Variants in ADAM10 observed in about 807,000 individuals in gnomAD.
ADAM10 encodes the protein ADAM metallopeptidase domain 10.
ADAM10 carries 17 observed loss-of-function variants against 90.1 expected under a neutral mutation model. The observed-to-expected ratio is 0.19, with a 90% confidence interval of 0.13 to 0.28. ADAM10 has a LOEUF of 0.28. ADAM10 is among the 10% of genes least tolerant of loss of function. The probability of loss-of-function intolerance (pLI) is 1.00; values close to 1 mark genes in which losing one functional copy is unlikely to be tolerated. For synonymous variants in ADAM10, 310 were observed against 298.6 expected (o/e 1.04, Z -0.40); for missense variants, 610 against 914.3 (o/e 0.67, Z 4.29).
intron 9 of ADAM10, among the ~76,000 whole-genome samples, chr15:58,631,131 G>A (rs1484466869): frequency 6.6e-6 from 1 of 152,126 alleles, no homozygotes; most frequent in East Asian, 1.9e-4. Context: ...ATCATAAGTG[G>A]AAGCAGCCTG....
intron 1 of ADAM10, among the ~76,000 whole-genome samples, chr15:58,718,864 C>G (rs7179540): frequency 6.6e-6 from 1 of 151,910 alleles, no homozygotes; most frequent in African/African-American, 2.4e-5. Flanking sequence ...CCCTGACCCT[C>G]AGCTTCATCT....
chr15:58,701,301 A>C (rs1401945357), intron 2 of ADAM10, among the ~76,000 whole-genome samples: 1 of 152,164 alleles, frequency 6.6e-6, no homozygotes, highest in African/African-American at 2.4e-5. Flanking sequence ...TCTCAAAAGA[A>C]GACACAGAAA....
chr15:58,646,192 C>A lies in ADAM10; in HGVS notation c.598G>T (p.Glu200Ter). 6.2e-7 allele frequency: 1 copy of A among 1,612,758 alleles called. No homozygotes were observed. Among genetic ancestry groups the A allele is most frequent in the South Asian group, 1.1e-5 (1 of 91,042 alleles). Reference protein sequence around the residue: ...VEEVTQIPQEEHAANGPELLR... With the variant: ...VEEVTQIPQE ...AGTTCTGGACCATTAGCAGCATGTTCTTCTTGAGGTATCTATACATCAAAA... is the reference window on the plus strand; with the variant it reads ...AGTTCTGGACCATTAGCAGCATGTTATTCTTGAGGTATCTATACATCAAAA... Residue 200 changes from glutamate to a stop codon, truncating the protein, a stop_gained, in exon 6 of 16, where the codon GAA (glutamate) becomes TAA (stop). Transcript: ENST00000260408. LOFTEE classifies it high-confidence loss of function.
chr15:58,727,650 G>C (rs1165579006), intron 1 of ADAM10, among the ~76,000 whole-genome samples: 3 of 152,100 alleles, frequency 2.0e-5, no homozygotes, highest in African/African-American at 7.2e-5. Flanking sequence ...TTTAAAAAAG[G>C]AAAATGTAAA....
chr15:58,711,128 AG>A (rs1239145869), intron 2 of ADAM10, among the ~76,000 whole-genome samples: 7 of 152,332 alleles, frequency 4.6e-5, no homozygotes, highest in Middle Eastern at 3.4e-3. Flanking sequence ...TTAAGGCTAC[AG>A]GAAGAATTAC....
chr15:58,713,758 T>C (rs1240937685), intron 2 of ADAM10, among the ~76,000 whole-genome samples: 5 of 152,210 alleles, frequency 3.3e-5, no homozygotes, highest in Non-Finnish European at 7.3e-5. Flanking sequence ...GGTACTTTTA[T>C]TTTCAAACAA....
At chr15:58,682,540 A>T (rs1353313019) in intron 2 of ADAM10, among the ~76,000 whole-genome samples, 1 of 152,160 alleles carries the variant, frequency 6.6e-6, no homozygotes, top group Non-Finnish European at 1.5e-5. Flanking sequence ...ACTGTCTAGG[A>T]TGTTAAAAAT....
chr15:58,634,292 A>G (rs1345339836), intron 8 of ADAM10, among the ~76,000 whole-genome samples: 1 of 146,916 alleles, frequency 6.8e-6, no homozygotes, highest in African/African-American at 2.6e-5. Flanking sequence ...ACACAGTGAC[A>G]CTCTGTCTAA....
chr15:58,696,751 C>T (rs1897990891), intron 2 of ADAM10, among the ~76,000 whole-genome samples: 2 of 152,240 alleles, frequency 1.3e-5, no homozygotes, highest in South Asian at 4.1e-4. Context: ...ATGTGTGAGC[C>T]ACCGCACCTG....
chr15:58,659,580 T>A (rs879738081), intron 5 of ADAM10, among the ~76,000 whole-genome samples: 5 of 152,176 alleles, frequency 3.3e-5, no homozygotes, highest in Non-Finnish European at 7.4e-5. Context: ...ATGTGTTTTT[T>A]TATATATATT....
rs67378373 is a variant in ADAM10, at chr15:58,647,248, A to AT, written c.586-1045dup. ...TGGCAGCAAAGAGTAGACACTAAGT[A>AT]TTTTTTTTTTTTTTTTTTTTTTTTT... is the stretch of plus-strand genomic sequence containing the variant. On this transcript the variant is annotated intron_variant, in intron 5 of 15. Transcript: ENST00000260408. Among the ~76,000 whole-genome samples, 322 of 59,566 alleles carry AT rather than the reference A, an allele frequency of 5.4e-3. 68 individuals carry two copies. The highest frequency in any genetic ancestry group is 9.6e-3 in the East Asian group (22 of 2,294). The allele number at this position is 59,566 out of a possible 152,430, so 39.1% of individuals were successfully genotyped here. A position where few individuals can be genotyped will look rare whatever the true frequency, so the allele number is the denominator to read the frequency against.
chr15:58,598,527 A>C (rs200356568), intron 15 of ADAM10, among the ~76,000 whole-genome samples: 2 of 152,240 alleles, frequency 1.3e-5, no homozygotes, highest in East Asian at 3.9e-4. Context: ...AAAACAGAGA[A>C]AAAGTGTAAG....
chr15:58,658,154 A>T (rs1896878594), intron 5 of ADAM10, among the ~76,000 whole-genome samples: 1 of 152,132 alleles, frequency 6.6e-6, no homozygotes, highest in Admixed American at 6.5e-5. Flanking sequence ...TAGCTTTGGC[A>T]TATAGGTCCA....
chr15:58,658,068 G>C (rs1896876357), intron 5 of ADAM10, among the ~76,000 whole-genome samples: 2 of 151,972 alleles, frequency 1.3e-5, no homozygotes, highest in South Asian at 4.1e-4. Context: ...GTTTTTCATA[G>C]GGAATTTTTG....
At chr15:58,748,138 A>G (rs1595677314) in intron 1 of ADAM10, 1 of 152,224 alleles carries the variant, frequency 6.6e-6, no homozygotes, top group Non-Finnish European at 1.5e-5. Context: ...ATTGGATTGA[A>G]AAAAATTAAA....
chr15:58,663,631 C>T (rs1238338976), intron 5 of ADAM10, among the ~76,000 whole-genome samples: 2 of 152,078 alleles, frequency 1.3e-5, no homozygotes, highest in African/African-American at 4.8e-5. Context: ...ATTGAATCTA[C>T]AAATCAATAA....
chr15:58,694,716 A>G (rs77448925), intron 2 of ADAM10, among the ~76,000 whole-genome samples: 4,664 of 151,816 alleles, frequency 0.031, 252 homozygotes, highest in African/African-American at 0.11. Flanking sequence ...AGAAAGATGT[A>G]TTCATATAAT....
chr15:58,683,795 G>A (rs1245641878), intron 2 of ADAM10, among the ~76,000 whole-genome samples: 1 of 142,802 alleles, frequency 7.0e-6, no homozygotes, highest in Non-Finnish European at 1.5e-5. Context: ...GGGAGGTGGA[G>A]GCTACAGTGA....
At chr15:58,681,400 C>T (rs968142995) in intron 3 of ADAM10, among the ~76,000 whole-genome samples, 8 of 152,010 alleles carry the variant, frequency 5.3e-5, no homozygotes, top group African/African-American at 1.2e-4. Flanking sequence ...CTGGCACAAT[C>T]GAAAAATGAG....
Sources: gnomAD v4.1 joint callset for allele counts (sites outside exome capture counted in the v4.1 genomes callset) on GRCh38, gnomAD v4.1.1 for gene constraint, MANE v1.5 for transcripts, NCBI Gene and HGNC (gene_info 2026-07-23, HGNC 2026-07-21) for gene names.